IL1RAPL2: variants seen among roughly 807,000 people sequenced by gnomAD.
IL1RAPL2 encodes X-linked interleukin-1 receptor accessory protein-like 2.
In IL1RAPL2, 3 loss-of-function variants were observed where a neutral mutation model predicts 44.1. The observed-to-expected ratio is 0.07, with a 90% CI of 0.03 to 0.18. The LOEUF (loss-of-function observed/expected upper bound fraction) is 0.18. IL1RAPL2 is among the 10% of genes least tolerant of loss of function. The pLI is 1.00. For synonymous variants in IL1RAPL2, 181 were observed against 178.8 expected (o/e 1.01, Z -0.10); for missense variants, 391 against 496.4 (o/e 0.79, Z 2.02).
chrX:105,354,660 A>G (rs2035187269), intron 5 of IL1RAPL2, among the ~76,000 whole-genome samples: 1 of 102,642 alleles, frequency 9.7e-6, no homozygotes, highest in East Asian at 2.8e-4. Flanking sequence ...ATACAAAAAA[A>G]GAAAACCTAT....
chrX:105,264,268 C>T (rs1231418229), intron 4 of IL1RAPL2, among the ~76,000 whole-genome samples: 1 of 111,232 alleles, frequency 9.0e-6, no homozygotes, highest in Admixed American at 9.6e-5. Flanking sequence ...TGAAGAGGTG[C>T]CTTCCTCCAT....
intron 2 of IL1RAPL2, among the ~76,000 whole-genome samples, chrX:105,009,089 T>C (rs2030998164): frequency 1.8e-5 from 2 of 111,336 alleles, no homozygotes; most frequent in Non-Finnish European, 3.8e-5. Context: ...TATTAAAAAG[T>C]CAGGAAACAA....
intron 2 of IL1RAPL2, among the ~76,000 whole-genome samples, chrX:105,086,474 G>T (rs777479552): frequency 2.3e-4 from 26 of 111,200 alleles, no homozygotes; most frequent in African/African-American, 8.2e-4. Context: ...CTGGGGGTGG[G>T]GAATGGGAAA....
intron 2 of IL1RAPL2, among the ~76,000 whole-genome samples, chrX:104,984,989 C>T (rs975318378): frequency 3.6e-5 from 4 of 112,190 alleles, no homozygotes; most frequent in African/African-American, 1.3e-4. Context: ...AGCTGTTCTT[C>T]CTTTATGTTT....
intron 3 of IL1RAPL2, among the ~76,000 whole-genome samples, chrX:105,200,869 C>T (rs1457922229): frequency 1.8e-5 from 2 of 111,117 alleles, no homozygotes; most frequent in Non-Finnish European, 3.8e-5. Flanking sequence ...CGAGATTGTG[C>T]TACTGCACTC....
intron 2 of IL1RAPL2, among the ~76,000 whole-genome samples, chrX:104,946,379 C>CAAAAAAAAAAAAAAAAAA (rs1157603029): frequency 3.3e-4 from 3 of 9,140 alleles, no homozygotes; most frequent in African/African-American, 1.1e-3. Context: ...GACTCCGTCT[C>CAAAAAAAAAAAAAAAAAA]AAAAAAAAAA....
chrX:105,666,242 C>G (rs1337111356), intron 6 of IL1RAPL2, among the ~76,000 whole-genome samples: 1 of 110,704 alleles, frequency 9.0e-6, no homozygotes, highest in Non-Finnish European at 1.9e-5. Flanking sequence ...CTCTTTGTTC[C>G]CAGGTGGATA....
intron 2 of IL1RAPL2, among the ~76,000 whole-genome samples, chrX:104,884,697 C>T (rs1204221237): frequency 9.0e-6 from 1 of 111,517 alleles, no homozygotes; most frequent in Non-Finnish European, 1.9e-5. Flanking sequence ...TCTGTAAGAG[C>T]TAAGGCAAAT....
chrX:105,296,958 A>G (rs1569419973), intron 5 of IL1RAPL2, among the ~76,000 whole-genome samples: 1 of 112,531 alleles, frequency 8.9e-6, no homozygotes, highest in Non-Finnish European at 1.9e-5. Flanking sequence ...ATATGCTTTC[A>G]TGGACCTGAC....
In IL1RAPL2 at chrX:104,606,574, C is replaced by T. The variant is rs764680178; in HGVS notation, c.-20+39523C>T. Among the ~76,000 whole-genome samples, 15 of 111,765 alleles carry T rather than the reference C, an allele frequency of 1.3e-4. No individual in the cohort carries two copies. In the South Asian group the frequency reaches 4.9e-3, roughly 37 times the overall value. ...TGATTGTATATTTAGAAAACCCCAT[C>T]GTCTCAGCCCAAAATCTCCTTAAGC... On this transcript the variant is annotated intron_variant, in intron 1 of 10. Coordinates refer to ENST00000372582, the MANE Select transcript of IL1RAPL2 (RefSeq NM_017416.2).
intron 5 of IL1RAPL2, among the ~76,000 whole-genome samples, chrX:105,270,923 T>A (rs752729234): frequency 8.9e-6 from 1 of 111,990 alleles, no homozygotes; most frequent in South Asian, 3.7e-4. Flanking sequence ...ATTTCCCTTA[T>A]GCAAATTTTG....
intron 8 of IL1RAPL2, 94 bp downstream of exon 8, chrX:105,740,785 T>A: frequency 2.4e-6 from 2 of 822,201 alleles, no homozygotes; most frequent in Non-Finnish European, 3.4e-6. Flanking sequence ...TCATGTAGTG[T>A]AAACCTTTAT....
At chrX:105,276,628 T>C (rs1419051896) in intron 5 of IL1RAPL2, among the ~76,000 whole-genome samples, 1 of 112,128 alleles carries the variant, frequency 8.9e-6, no homozygotes, top group African/African-American at 3.2e-5. Context: ...GTCTGGATTT[T>C]TGTGTGGAAA....
rs765730318 is a variant in IL1RAPL2 at position 105,607,100 on chromosome X, T to A, written c.773-110267T>A. ...GAGGTGATGGATATGCTAATTATCCTGATTTGATCATTGCACATTGTGTGT... is the reference window on the plus strand; with the variant it reads ...GAGGTGATGGATATGCTAATTATCCAGATTTGATCATTGCACATTGTGTGT... On this transcript the variant is annotated intron_variant, in intron 6 of 10. Coordinates refer to ENST00000372582, the MANE Select transcript of IL1RAPL2 (RefSeq NM_017416.2). 4.5e-5 allele frequency among the ~76,000 whole-genome samples: 5 copies of A among 111,700 alleles called. No individual in the cohort carries two copies. In the South Asian group the frequency reaches 1.8e-3, roughly 41 times the overall value.
chrX:105,607,313 T>C (rs1313351996), intron 6 of IL1RAPL2, among the ~76,000 whole-genome samples: 5 of 110,632 alleles, frequency 4.5e-5, no homozygotes, highest in Non-Finnish European at 9.5e-5. Context: ...TTTTTAAGAA[T>C]CAGTTTGGCT....
rs1932453662 is a variant in IL1RAPL2 at position 104,761,917 on chromosome X, CCTTCTCCTTCTT to C, written c.82+102928_82+102939del. Reference sequence around the variant, plus strand: ...TCCTTCTCCTTCTCCTTCTCCTTCTCCTTCTCCTTCTTCTTCTTCTTCTTCTTCTTCTTCTTC... The same window carrying C: ...TCCTTCTCCTTCTCCTTCTCCTTCTCCTTCTTCTTCTTCTTCTTCTTCTTC... On this transcript the variant is annotated intron_variant, in intron 2 of 10. Coordinates refer to ENST00000372582, the MANE Select transcript of IL1RAPL2 (RefSeq NM_017416.2). Among the ~76,000 whole-genome samples, 46 of 30,769 alleles carry C rather than the reference CCTTCTCCTTCTT, an allele frequency of 1.5e-3. 1 individual carries two copies. The highest frequency in any genetic ancestry group is 5.6e-3 in the South Asian group (3 of 537). The allele number at this position is 30,769 out of a possible 115,157, so 26.7% of individuals were successfully genotyped here.
In IL1RAPL2 at chrX:105,547,433, C is replaced by G. The variant is rs2036812021; in HGVS notation, c.772+63046C>G. On this transcript the variant is annotated intron_variant, in intron 6 of 10. Coordinates refer to ENST00000372582, the MANE Select transcript of IL1RAPL2 (RefSeq NM_017416.2). ...ACTAGAAGACCCACTACAGCATCCC[C>G]TAATTCAGCTGTTACTATCTAACCA... is the stretch of plus-strand genomic sequence containing the variant. Among the ~76,000 whole-genome samples, 3 of 112,087 alleles carry G rather than the reference C, an allele frequency of 2.7e-5. No individual in the cohort carries two copies. The Admixed American group carries it at 2.8e-4, about 11-fold the overall frequency.
chrX:105,318,317 C>T (rs1399883042), intron 5 of IL1RAPL2, among the ~76,000 whole-genome samples: 1 of 111,499 alleles, frequency 9.0e-6, no homozygotes. Context: ...AACACTTAGG[C>T]ACTCCTCTAG....
chrX:105,378,735 C>A (rs2035406630), intron 5 of IL1RAPL2, among the ~76,000 whole-genome samples: 1 of 111,972 alleles, frequency 8.9e-6, no homozygotes, highest in African/African-American at 3.2e-5. Context: ...TTTCAGTCAG[C>A]CATTTACCTT....
Sources: allele counts gnomAD v4.1 joint callset (sites outside exome capture counted in the v4.1 genomes callset), GRCh38; gene constraint gnomAD v4.1.1; transcripts MANE v1.5; gene names NCBI Gene and HGNC (gene_info 2026-07-23, HGNC 2026-07-21).